CLOCK: variants seen among roughly 807,000 people sequenced by gnomAD.
CLOCK encodes the protein clock circadian regulator, also known as circadian locomoter output cycles protein kaput.
CLOCK carries 43 observed loss-of-function variants against 118.4 expected under a neutral mutation model. The observed-to-expected ratio is 0.36, with a 90% CI of 0.28 to 0.47. CLOCK has a LOEUF of 0.47. Among genes scored for constraint, CLOCK ranks in the 20% least tolerant of loss-of-function variants. The pLI is 1.00. For missense variants in CLOCK, 846 were observed against 999.9 expected (o/e 0.85, Z 2.08); for synonymous variants, 326 against 339.2 (o/e 0.96, Z 0.43).
At position 55,444,025 on chromosome 4, in the gene CLOCK, G is replaced by T. The variant is rs1211373118; in HGVS notation, c.1693-129C>A. On this transcript the variant is annotated intron_variant, in intron 19 of 22. Coordinates refer to ENST00000513440, the MANE Select transcript of CLOCK (RefSeq NM_004898.4). Reference sequence around the variant, plus strand: ...AGTAACAAGGCTAAGTCACTTTGAAGAATTAGCAATAAATAAGTAGTGAAT... The same window carrying T: ...AGTAACAAGGCTAAGTCACTTTGAATAATTAGCAATAAATAAGTAGTGAAT... 12 of 711,968 alleles carry T rather than the reference G, an allele frequency of 1.7e-5. No homozygotes were observed. In the Admixed American group the frequency reaches 3.0e-4, roughly 18 times the overall value. The allele number at this position is 711,968 out of a possible 1,614,324, so 44.1% of individuals were successfully genotyped here.
intron 8 of CLOCK, among the ~76,000 whole-genome samples, chr4:55,465,926 T>C (rs922779448): frequency 2.0e-5 from 3 of 151,182 alleles, no homozygotes; most frequent in African/African-American, 7.3e-5. Context: ...CACTCAAGCC[T>C]GGGTGACAGA....
chr4:55,480,277 T>A (rs1405560357), intron 4 of CLOCK, among the ~76,000 whole-genome samples: 1 of 152,226 alleles, frequency 6.6e-6, no homozygotes, highest in Non-Finnish European at 1.5e-5. Flanking sequence ...TTTTCCTTTT[T>A]TTCTGGAGAC....
At chr4:55,530,398 T>C (rs1490147078) in intron 1 of CLOCK, among the ~76,000 whole-genome samples, 2 of 152,188 alleles carry the variant, frequency 1.3e-5, no homozygotes, top group African/African-American at 4.8e-5. Flanking sequence ...CAAGCAATTA[T>C]GACCCAGGCC....
chr4:55,542,116 G>A (rs999498862), intron 1 of CLOCK, among the ~76,000 whole-genome samples: 1 of 151,700 alleles, frequency 6.6e-6, no homozygotes, highest in Non-Finnish European at 1.5e-5. Context: ...CGAGGTGGGC[G>A]GATCACCTGA....
At chr4:55,541,398 A>G (rs1335607839) in intron 1 of CLOCK, among the ~76,000 whole-genome samples, 1 of 152,224 alleles carries the variant, frequency 6.6e-6, no homozygotes, top group African/African-American at 2.4e-5. Flanking sequence ...TAATGCCTAC[A>G]AGGAACTTAA....
Position 55,546,259 on chromosome 4 carries a change from G to A in CLOCK, c.-290+523C>T, listed in dbSNP as rs558395493. On this transcript the variant is annotated intron_variant, in intron 1 of 22. Coordinates refer to ENST00000513440, the MANE Select transcript of CLOCK (RefSeq NM_004898.4). ...AGCTCCGGGCGCCCTCAAGCCGCCC[G>A]GCCCCGCCGTGCACCCCACTCCCGC... Among the ~76,000 whole-genome samples, 54 of 152,204 alleles carry A rather than the reference G, an allele frequency of 3.5e-4. 1 individual carries two copies. In the South Asian group the frequency reaches 0.011, roughly 32 times the overall value.
intron 1 of CLOCK, chr4:55,540,914 C>G (rs1447625219): frequency 1.3e-5 from 2 of 152,008 alleles, no homozygotes; most frequent in East Asian, 3.8e-4. Flanking sequence ...ACTTAATCGT[C>G]GTCATTATTA....
At chr4:55,450,720 G>T (rs1724360933) in intron 15 of CLOCK, among the ~76,000 whole-genome samples, 1 of 151,540 alleles carries the variant, frequency 6.6e-6, no homozygotes, top group African/African-American at 2.4e-5. Flanking sequence ...AGTGAGCCGA[G>T]ATCCTGCCAC....
intron 2 of CLOCK, among the ~76,000 whole-genome samples, chr4:55,508,469 C>G (rs1728945012): frequency 6.6e-6 from 1 of 152,226 alleles, no homozygotes; most frequent in Non-Finnish European, 1.5e-5. Flanking sequence ...GGCATGGACT[C>G]CTATCTCTCT....
intron 8 of CLOCK, among the ~76,000 whole-genome samples, chr4:55,466,908 C>G (rs1476026023): frequency 6.6e-6 from 1 of 152,148 alleles, no homozygotes; most frequent in African/African-American, 2.4e-5. Flanking sequence ...TGCTGATTTA[C>G]TTATATGACA....
chr4:55,496,131 T>C (rs1379535783), intron 2 of CLOCK, among the ~76,000 whole-genome samples: 1 of 152,010 alleles, frequency 6.6e-6, no homozygotes, highest in Admixed American at 6.6e-5. Flanking sequence ...GGAGGTTGCA[T>C]TGAGCCAAGA....
At chr4:55,525,028 G>A (rs1216998606) in intron 1 of CLOCK, among the ~76,000 whole-genome samples, 1 of 151,914 alleles carries the variant, frequency 6.6e-6, no homozygotes, top group Admixed American at 6.6e-5. Flanking sequence ...TATCTTTTAG[G>A]AGGGACAGAA....
intron 8 of CLOCK, among the ~76,000 whole-genome samples, chr4:55,464,328 A>G (rs57848550): frequency 0.043 from 6,569 of 152,262 alleles, 448 homozygotes; most frequent in African/African-American, 0.15. Context: ...GACAACTAAT[A>G]TGTTAAGCAT....
chr4:55,464,833 G>A (rs1362084144), intron 8 of CLOCK, among the ~76,000 whole-genome samples: 2 of 152,018 alleles, frequency 1.3e-5, no homozygotes, highest in Admixed American at 6.6e-5. Flanking sequence ...AACAAAAACC[G>A]CAATCACTTT....
At chr4:55,486,303 TTACACATTC>T (rs1296426114) in intron 3 of CLOCK, 1 of 152,186 alleles carries the variant, frequency 6.6e-6, no homozygotes, top group Non-Finnish European at 1.5e-5. Flanking sequence ...TTCAAACACA[TTACACATTC>T]TACCAATTTC....
intron 6 of CLOCK, 24 bp downstream of exon 6, chr4:55,478,791 C>A: frequency 1.2e-6 from 2 of 1,607,520 alleles, no homozygotes; most frequent in Non-Finnish European, 1.7e-6. Flanking sequence ...GAGTCTGTTC[C>A]ATTTTACAGA....
At chr4:55,502,316 C>A (rs1036455891) in intron 2 of CLOCK, among the ~76,000 whole-genome samples, 1 of 152,136 alleles carries the variant, frequency 6.6e-6, no homozygotes, top group Non-Finnish European at 1.5e-5. Context: ...TATCAGATAT[C>A]ATGACTTATT....
intron 3 of CLOCK, 123 bp from the exon 4 acceptor site, chr4:55,482,951 C>G: frequency 2.1e-6 from 1 of 466,958 alleles, no homozygotes. Context: ...TACTGAAGAT[C>G]AGAACATTAT....
intron 1 of CLOCK, among the ~76,000 whole-genome samples, chr4:55,525,369 G>C (rs550719791): frequency 1.3e-5 from 2 of 152,266 alleles, no homozygotes; most frequent in East Asian, 1.9e-4. Context: ...TAGCTACTCA[G>C]AAGTCTGAGG....
Sources: gnomAD v4.1 joint callset for allele counts (sites outside exome capture counted in the v4.1 genomes callset) on GRCh38, gnomAD v4.1.1 for gene constraint, MANE v1.5 for transcripts, NCBI Gene and HGNC (gene_info 2026-07-23, HGNC 2026-07-21) for gene names.